The following FBXO11 variants were observed in gnomAD, a reference collection of about 807,000 sequenced individuals.
The protein encoded by FBXO11 is F-box protein 11, also known as F-box only protein 11.
FBXO11 carries 13 observed loss-of-function variants against 117.0 expected under a neutral mutation model. The observed-to-expected ratio is 0.11, with a 90% CI of 0.07 to 0.18. FBXO11 has a LOEUF of 0.18. Among genes scored for constraint, FBXO11 ranks in the 10% least tolerant of loss-of-function variants. The pLI is 1.00. For missense variants in FBXO11, 767 were observed against 1,164.4 expected (o/e 0.66, Z 4.97); for synonymous variants, 490 against 380.5 (o/e 1.29, Z -3.35).
intron 4 of FBXO11, among the ~76,000 whole-genome samples, chr2:47,838,216 G>A (rs1006119944): frequency 1.3e-5 from 2 of 152,090 alleles, no homozygotes; most frequent in African/African-American, 4.8e-5. Context: ...CTGGGTGACA[G>A]AGCAAGACCC....
intron 1 of FBXO11, among the ~76,000 whole-genome samples, chr2:47,860,737 A>C (rs1674700353): frequency 6.6e-6 from 1 of 151,316 alleles, no homozygotes; most frequent in South Asian, 2.1e-4. Context: ...GGCTAATCAA[A>C]ACTTTTCCCT....
intron 11 of FBXO11, among the ~76,000 whole-genome samples, chr2:47,829,041 C>T (rs974775961): frequency 1.3e-5 from 2 of 151,030 alleles, no homozygotes; most frequent in South Asian, 2.1e-4. Context: ...CATGCCTCAA[C>T]CTCCTGAGAG....
chr2:47,905,706 T>C lies in FBXO11; in HGVS notation c.15A>G (p.Arg5=). MNSV[R]AANRRPRRVS... ...CTCGCCTGGGTCTCCGGTTGGCGGC[T>C]CGGACGGAGTTCATTTGCCGGGCTG... The change falls in exon 1 of 23, where the codon CGA becomes CGG. Residue 5 remains arginine, a synonymous_variant. Transcript: ENST00000403359. 1 of 1,520,366 alleles carries C rather than the reference T, an allele frequency of 6.6e-7. No homozygotes were observed. The highest frequency in any genetic ancestry group is 8.8e-7 in the Non-Finnish European group (1 of 1,136,370). 94.2% of individuals were successfully genotyped at this position (1,520,366 alleles called of 1,614,324 possible).
chr2:47,901,523 G>A (rs1678300746), intron 1 of FBXO11, among the ~76,000 whole-genome samples: 1 of 152,122 alleles, frequency 6.6e-6, no homozygotes, highest in Non-Finnish European at 1.5e-5. Context: ...TTTAGTAGCT[G>A]GAGGCTGATG....
intron 11 of FBXO11, among the ~76,000 whole-genome samples, chr2:47,825,571 C>CTTTTTTTTTTTTT (rs751404253): frequency 1.1e-5 from 1 of 88,310 alleles, no homozygotes; most frequent in Non-Finnish European, 2.3e-5. Flanking sequence ...TCTTCTTCTT[C>CTTTTTTTTTTTTT]TTTTTTTTTT....
intron 16 of FBXO11, chr2:47,814,352 C>CA (rs1670856735): frequency 6.7e-6 from 1 of 148,610 alleles, no homozygotes; most frequent in Non-Finnish European, 1.5e-5. Flanking sequence ...ATGCTCATAA[C>CA]AATCTAAGCC....
chr2:47,811,216 G>A (rs1047472466), intron 18 of FBXO11: 3 of 152,100 alleles, frequency 2.0e-5, no homozygotes, highest in Non-Finnish European at 4.4e-5. Context: ...TGCAACTATT[G>A]CATATACACT....
intron 1 of FBXO11, among the ~76,000 whole-genome samples, chr2:47,847,941 G>A (rs1438698696): frequency 6.6e-6 from 1 of 151,830 alleles, no homozygotes; most frequent in Admixed American, 6.6e-5. Flanking sequence ...TGGCTAACAC[G>A]GTGAAACCCC....
At chr2:47,826,852 G>A (rs1349927059) in intron 11 of FBXO11, among the ~76,000 whole-genome samples, 1 of 151,776 alleles carries the variant, frequency 6.6e-6, no homozygotes, top group Non-Finnish European at 1.5e-5. Context: ...TGCAACCTCT[G>A]CCTCCCAAGT....
chr2:47,825,067 A>AGCT (rs1412670710), intron 11 of FBXO11, among the ~76,000 whole-genome samples: 16 of 152,114 alleles, frequency 1.1e-4, no homozygotes, highest in African/African-American at 3.9e-4. Context: ...TACACACAGT[A>AGCT]AGTACTCAAA....
At position 47,807,032 on chromosome 2, in the gene FBXO11, C is replaced by T; in HGVS notation, c.*1086G>A. The T allele has an allele frequency of 1.6e-6, 1 of 629,966 alleles. No homozygotes were observed. The allele number at this position is 629,966 out of a possible 1,614,324, so 39.0% of individuals were successfully genotyped here. On this transcript the variant is annotated 3_prime_UTR_variant, in exon 23 of 23. Transcript: ENST00000403359. ...TTCTACATAATGGTTATTGAATACT[C>T]CACAATATATTAAGTCTAGATGTTA... is the stretch of plus-strand genomic sequence containing the variant.
intron 1 of FBXO11, among the ~76,000 whole-genome samples, chr2:47,895,541 G>A (rs1481118616): frequency 6.6e-6 from 1 of 152,172 alleles, no homozygotes; most frequent in African/African-American, 2.4e-5. Flanking sequence ...TACTAGTAGT[G>A]CTTTATTCCT....
intron 11 of FBXO11, among the ~76,000 whole-genome samples, chr2:47,826,331 A>T (rs1467216252): frequency 6.6e-6 from 1 of 152,166 alleles, no homozygotes; most frequent in Non-Finnish European, 1.5e-5. Flanking sequence ...TGCTGGGATT[A>T]CAGGTGTGAG....
In FBXO11 at chr2:47,807,872, TTTC is replaced by T; in HGVS notation, c.*243_*245del. The T allele has an allele frequency of 2.7e-6, 1 of 365,272 alleles. No homozygotes were observed. Among genetic ancestry groups the T allele is most frequent in the Non-Finnish European group, 5.0e-6 (1 of 200,304 alleles). The allele number at this position is 365,272 out of a possible 1,614,324, so 22.6% of individuals were successfully genotyped here. A position where few individuals can be genotyped will look rare whatever the true frequency, so the allele number is the denominator to read the frequency against. On this transcript the variant is annotated 3_prime_UTR_variant, in exon 23 of 23. Transcript: ENST00000403359. ...GTATCTGTACAAAATTGCAGCTTAT[TTTC>T]TTCACTTCTGTCCCTTCAAGTCTTT...
At chr2:47,838,204 G>C (rs1672738738) in intron 4 of FBXO11, among the ~76,000 whole-genome samples, 1 of 152,050 alleles carries the variant, frequency 6.6e-6, no homozygotes, top group South Asian at 2.1e-4. Flanking sequence ...CTGCACTCCA[G>C]CCTGGGTGAC....
chr2:47,823,512 T>C (rs1401827436), intron 11 of FBXO11, 152 bp from the exon 12 acceptor site: 1 of 648,920 alleles, frequency 1.5e-6, no homozygotes, highest in Non-Finnish European at 2.6e-6. Context: ...TCCCAGCACT[T>C]TGGGAGCCCT....
At chr2:47,834,271 A>T (rs1448211929) in intron 7 of FBXO11, among the ~76,000 whole-genome samples, 2 of 151,910 alleles carry the variant, frequency 1.3e-5, no homozygotes, top group East Asian at 3.9e-4. Flanking sequence ...AATTGCTTGA[A>T]CCCAGGAGGC....
chr2:47,809,085 ATGCTAGGCAT>A, intron 21 of FBXO11, 63 bp downstream of exon 21: 2 of 932,234 alleles, frequency 2.1e-6, no homozygotes, highest in African/African-American at 1.7e-5. Flanking sequence ...ATAGCCAAAA[ATGCTAGGCAT>A]TGCTAATTTA....
chr2:47,829,306 T>C (rs916813683), intron 11 of FBXO11, among the ~76,000 whole-genome samples: 2 of 152,192 alleles, frequency 1.3e-5, no homozygotes, highest in African/African-American at 4.8e-5. Flanking sequence ...AGTGGCGCGA[T>C]CTCGGCTCAC....
Sources: gnomAD v4.1 joint callset for allele counts (sites outside exome capture counted in the v4.1 genomes callset) on GRCh38, gnomAD v4.1.1 for gene constraint, MANE v1.5 for transcripts, NCBI Gene and HGNC (gene_info 2026-07-23, HGNC 2026-07-21) for gene names.